The following VWF variants were observed in gnomAD, a reference collection of about 807,000 sequenced individuals.
VWF encodes von Willebrand factor, also known as Factor VIII related antigen.
Under a neutral mutation model 308.6 loss-of-function variants are expected in VWF, and 176 were observed. That is an observed-to-expected ratio of 0.57 (90% CI 0.50 to 0.65). The LOEUF (loss-of-function observed/expected upper bound fraction) is 0.65, where lower values mean the gene tolerates loss of function less well. Among genes scored for constraint, VWF ranks in the 30% least tolerant of loss-of-function variants. The pLI is 0.00. For missense variants in VWF, 3,146 were observed against 3,648.2 expected, an observed-to-expected ratio of 0.86 and a Z score of 3.55; for synonymous variants, 1,385 against 1,443.4, an observed-to-expected ratio of 0.96 and a Z score of 0.92.
intron 40 of VWF, among the ~76,000 whole-genome samples, chr12:5,983,521 T>TTAGATAGATAGA (rs79433577): frequency 1.1e-4 from 15 of 136,576 alleles, no homozygotes; most frequent in African/African-American, 3.8e-4. Flanking sequence ...ACTAGGTACA[T>TTAGATAGATAGA]TAGATAGATA....
At position 6,024,321 on chromosome 12, in the gene VWF, C is replaced by G. The variant is rs2136419077; in HGVS notation, c.3223-534G>C. On this transcript the variant is annotated intron_variant, in intron 24 of 51. Coordinates refer to ENST00000261405, the MANE Select transcript of VWF (RefSeq NM_000552.5). This position sits in a 1 kb window ranked among gnomAD's most constrained non-coding sequence, Gnocchi z 4.0. ...AAATCCAGTTCAACCAGTTCCAACC[C>G]TTCCTCATCCCCAAAACACGCCTCT... Among the ~76,000 whole-genome samples the G allele has an allele frequency of 6.6e-6, 1 of 152,330 alleles. No homozygotes were observed. The highest frequency in any genetic ancestry group is 1.5e-5 in the Non-Finnish European group (1 of 68,020).
chr12:6,121,564 T>C (rs1308279554), intron 2 of VWF, among the ~76,000 whole-genome samples: 1 of 152,182 alleles, frequency 6.6e-6, no homozygotes, highest in East Asian at 1.9e-4. Flanking sequence ...AATCCATTAG[T>C]TTCAATGACA....
intron 6 of VWF, among the ~76,000 whole-genome samples, chr12:6,092,616 A>AGT (rs796249343): frequency 0.084 from 8,105 of 96,170 alleles, 482 homozygotes; most frequent in African/African-American, 0.13. Flanking sequence ...TGAGTGAGTG[A>AGT]GAGTGTGTGT....
intron 18 of VWF, among the ~76,000 whole-genome samples, chr12:6,037,270 A>G (rs1944347106): frequency 6.6e-6 from 1 of 152,182 alleles, no homozygotes. Flanking sequence ...TATGTTTATA[A>G]TTAAAGAAAA....
intron 34 of VWF, among the ~76,000 whole-genome samples, chr12:6,005,341 T>C (rs1336935872): frequency 1.3e-5 from 2 of 152,208 alleles, no homozygotes; most frequent in Non-Finnish European, 2.9e-5. Context: ...ATTATTATTC[T>C]TATCTCACAC....
chr12:6,076,276 C>G (rs1237859489), intron 6 of VWF, among the ~76,000 whole-genome samples: 1 of 152,210 alleles, frequency 6.6e-6, no homozygotes, highest in Non-Finnish European at 1.5e-5. Flanking sequence ...TCTGCTCACT[C>G]ACGAGTATCA....
At chr12:5,991,167 TCA>T (rs201361783) in intron 38 of VWF, among the ~76,000 whole-genome samples, 33,848 of 134,788 alleles carry the variant, frequency 0.25, 4,494 homozygotes, top group Middle Eastern at 0.33. Flanking sequence ...CAAGGGATTC[TCA>T]CACACACACA....
At position 6,016,099 on chromosome 12, in the gene VWF, G is replaced by C. The variant is rs764404048; in HGVS notation, c.5445C>G (p.Ala1815=). The change falls in exon 31 of 52, where the codon GCC becomes GCG. Residue 1815 remains alanine (A), a synonymous_variant. Coordinates refer to ENST00000261405, the MANE Select transcript of VWF (RefSeq NM_000552.5). Reference sequence around the variant, plus strand: ...ACACCAGATTCTTACTGTTGGACCTGGCGGCATCAGCTGCTGCATCCACTG... The same window carrying C: ...ACACCAGATTCTTACTGTTGGACCTCGCGGCATCAGCTGCTGCATCCACTG... ...VDSVDAAADA[A]RSNRVTVFPI... is the part of the protein sequence containing the mutation. 6.2e-7 allele frequency: 1 copy of C among 1,614,094 alleles called. No individual in the cohort carries two copies. Among genetic ancestry groups the C allele is most frequent in the Middle Eastern group, 1.7e-4 (1 of 6,058 alleles).
intron 6 of VWF, among the ~76,000 whole-genome samples, chr12:6,080,188 G>A (rs149142982): frequency 5.9e-5 from 9 of 152,246 alleles, no homozygotes; most frequent in African/African-American, 1.4e-4. Context: ...TTCTGTGGCC[G>A]TCTCCTCCAT....
chr12:6,061,729 C>T (rs1325561870), intron 13 of VWF, among the ~76,000 whole-genome samples: 1 of 152,202 alleles, frequency 6.6e-6, no homozygotes, highest in Non-Finnish European at 1.5e-5. Flanking sequence ...ATAGGGGTCC[C>T]TGAGACTTTC....
At chr12:5,972,847 A>G (rs1455722339) in intron 43 of VWF, among the ~76,000 whole-genome samples, 1 of 152,242 alleles carries the variant, frequency 6.6e-6, no homozygotes, top group Admixed American at 6.5e-5. Context: ...TCAAAATGCC[A>G]TTAAAGAAAA....
intron 20 of VWF, among the ~76,000 whole-genome samples, chr12:6,033,200 T>G (rs1448854092): frequency 6.6e-6 from 1 of 152,242 alleles, no homozygotes; most frequent in Non-Finnish European, 1.5e-5. Flanking sequence ...GTAGGTGTTT[T>G]ATTTGTCCTT....
At chr12:6,099,347 G>C (rs1951679588) in intron 5 of VWF, among the ~76,000 whole-genome samples, 1 of 150,104 alleles carries the variant, frequency 6.7e-6, no homozygotes, top group South Asian at 2.1e-4. Context: ...AAAAACCAAG[G>C]AAGCAAAAGT....
rs373064589 is a variant in VWF, at chr12:6,016,268, T to G, written c.5312-36A>C. ...AGAACAGATCACGCCAAGTCAGTAC[T>G]GACTGCGGCTCGACACCCTGTCTTA... On this transcript the variant is annotated intron_variant, in intron 30 of 51. Coordinates refer to ENST00000261405, the MANE Select transcript of VWF (RefSeq NM_000552.5). 2.5e-5 allele frequency: 41 copies of G among 1,614,236 alleles called. 1 individual carries two copies. In the Admixed American group the frequency reaches 6.7e-4, roughly 26 times the overall value.
At position 6,058,028 on chromosome 12, in the gene VWF, G is replaced by A; in HGVS notation, c.1550C>T (p.Ala517Val). 6.2e-7 allele frequency: 1 copy of A among 1,613,184 alleles called. No individual in the cohort carries two copies. The part of the protein sequence containing the change: ...RLLVKLSPVY[A>V]GKTCGLCGNY... Reference sequence around the variant, plus strand: ...CCCACACAGGCCGCAGGTCTTCCCGGCATAGACGGGGGACAGCTGCAGGAG... The same window carrying A: ...CCCACACAGGCCGCAGGTCTTCCCGACATAGACGGGGGACAGCTGCAGGAG... The change falls in exon 14 of 52, where the codon GCC becomes GTC. Residue 517 changes from alanine (A) to valine (V), a missense_variant. Ala to Val is a moderately conservative substitution (Grantham distance 64, BLOSUM62 0). Coordinates refer to ENST00000261405, the MANE Select transcript of VWF (RefSeq NM_000552.5). This position sits in a 1 kb window ranked among gnomAD's most constrained non-coding sequence, Gnocchi z 4.9.
intron 37 of VWF, among the ~76,000 whole-genome samples, 176 bp downstream of exon 37, chr12:5,993,686 T>C (rs1943770428): frequency 6.6e-6 from 1 of 151,000 alleles, no homozygotes; most frequent in African/African-American, 2.4e-5. Context: ...CATATACATA[T>C]ATGTATATGT....
chr12:5,983,997 T>C (rs572241309), intron 40 of VWF, among the ~76,000 whole-genome samples: 17 of 116,940 alleles, frequency 1.5e-4, no homozygotes, highest in Non-Finnish European at 2.9e-4. Context: ...GATAGATAGA[T>C]AGATAGATAG....
intron 41 of VWF, 51 bp downstream of exon 41, chr12:5,983,099 A>G (rs1417166404): frequency 1.3e-6 from 2 of 1,548,294 alleles, no homozygotes; most frequent in Non-Finnish European, 1.8e-6. Context: ...GGCCTCCCTC[A>G]CACCAGCAGA....
chr12:6,032,440 C>A (rs1238908050), intron 20 of VWF, among the ~76,000 whole-genome samples: 1 of 151,604 alleles, frequency 6.6e-6, no homozygotes, highest in Non-Finnish European at 1.5e-5. Context: ...GAGATCGAGA[C>A]CAGCCTGGTT....
Sources: gnomAD v4.1 joint callset for allele counts (sites outside exome capture counted in the v4.1 genomes callset) on GRCh38, gnomAD v4.1.1 for gene constraint, Gnocchi (gnomAD v3.1) non-coding constraint, MANE v1.5 for transcripts, NCBI Gene and HGNC (gene_info 2026-07-23, HGNC 2026-07-21) for gene names.